Variants in TBXAS1 observed in about 807,000 individuals in gnomAD.
The protein encoded by TBXAS1 is thromboxane A synthase 1.
Under a neutral mutation model 60.7 loss-of-function variants are expected in TBXAS1, and 48 were observed. That is an observed-to-expected ratio of 0.79 (90% CI 0.63 to 1.01). The LOEUF (loss-of-function observed/expected upper bound fraction) is 1.01, where lower values mean the gene tolerates loss of function less well. TBXAS1 is among the 50% of genes least tolerant of loss of function. The pLI is 0.00. For missense variants in TBXAS1, 685 were observed against 686.3 expected (o/e 1.00, Z 0.02); for synonymous variants, 287 against 269.7 (o/e 1.06, Z -0.63).
intron 3 of TBXAS1, among the ~76,000 whole-genome samples, chr7:139,890,208 T>TTC (rs1491385998): frequency 1.7e-4 from 1 of 6,060 alleles, no homozygotes; most frequent in Non-Finnish European, 3.7e-4. Context: ...GGATGCAGTC[T>TTC]TTTTTTTTTT....
intron 3 of TBXAS1, among the ~76,000 whole-genome samples, chr7:139,901,619 A>G (rs907172294): frequency 4.6e-5 from 7 of 152,044 alleles, no homozygotes; most frequent in South Asian, 2.1e-4. Flanking sequence ...TGTCAATCAC[A>G]TCAGGATCCC....
intron 9 of TBXAS1, among the ~76,000 whole-genome samples, chr7:139,967,797 C>T (rs752840399): frequency 6.6e-6 from 1 of 152,180 alleles, no homozygotes; most frequent in Non-Finnish European, 1.5e-5. Context: ...TGTTTGCCCA[C>T]CCCTGTACAT....
chr7:140,001,251 A>G (rs1813654138), intron 9 of TBXAS1, among the ~76,000 whole-genome samples: 1 of 152,140 alleles, frequency 6.6e-6, no homozygotes, highest in African/African-American at 2.4e-5. Context: ...TTTTCATGTT[A>G]TCTTTTGGAA....
At chr7:139,982,892 C>T (rs1812066904) in intron 9 of TBXAS1, among the ~76,000 whole-genome samples, 2 of 152,092 alleles carry the variant, frequency 1.3e-5, no homozygotes, top group South Asian at 4.2e-4. Flanking sequence ...TGGCCAAACT[C>T]GAAATAAAAC....
chr7:139,790,043 A>G (rs1290678203), intron 4 of TBXAS1, among the ~76,000 whole-genome samples: 1 of 152,244 alleles, frequency 6.6e-6, no homozygotes, highest in African/African-American at 2.4e-5. Context: ...ATCATTATTT[A>G]GGCCCATGGA....
chr7:139,924,632 C>G (rs1806744530), intron 4 of TBXAS1, among the ~76,000 whole-genome samples: 1 of 152,034 alleles, frequency 6.6e-6, no homozygotes, highest in African/African-American at 2.4e-5. Flanking sequence ...TGATTGTTTC[C>G]TTTGCTGTGC....
chr7:139,830,687 GCA>G (rs1017651532), intron 1 of TBXAS1, among the ~76,000 whole-genome samples: 2 of 152,026 alleles, frequency 1.3e-5, no homozygotes, highest in African/African-American at 4.8e-5. Context: ...GAAGCCCGAA[GCA>G]CAGTGTCTGA....
chr7:139,799,355 C>G (rs1296662207), intron 4 of TBXAS1, among the ~76,000 whole-genome samples: 1 of 152,028 alleles, frequency 6.6e-6, no homozygotes, highest in African/African-American at 2.4e-5. Context: ...TCAGCCTCCC[C>G]CAAGTAGCTG....
At chr7:140,001,518 A>G (rs1334879640) in intron 9 of TBXAS1, among the ~76,000 whole-genome samples, 2 of 152,052 alleles carry the variant, frequency 1.3e-5, no homozygotes, top group African/African-American at 2.4e-5. Flanking sequence ...CAGCCTCCCA[A>G]GTAGCTGGGA....
At chr7:139,956,808 T>C (rs1207246468) in intron 7 of TBXAS1, among the ~76,000 whole-genome samples, 1 of 152,258 alleles carries the variant, frequency 6.6e-6, no homozygotes, top group Non-Finnish European at 1.5e-5. Flanking sequence ...GGCTCAGTTG[T>C]GCCATCCCTT....
intron 3 of TBXAS1, among the ~76,000 whole-genome samples, chr7:139,784,011 GT>G (rs11340240): frequency 0.032 from 4,282 of 132,018 alleles, 161 homozygotes; most frequent in African/African-American, 0.1. Flanking sequence ...AGTTTTTTTT[GT>G]TTTTTTTTTT....
intron 3 of TBXAS1, among the ~76,000 whole-genome samples, chr7:139,893,804 C>T (rs1803853533): frequency 6.6e-6 from 1 of 152,158 alleles, no homozygotes; most frequent in African/African-American, 2.4e-5. Context: ...TCTGCCTGTC[C>T]CCCTCTGGGG....
chr7:139,994,834 G>A (rs772795378), intron 9 of TBXAS1, among the ~76,000 whole-genome samples: 9 of 152,226 alleles, frequency 5.9e-5, no homozygotes, highest in South Asian at 2.1e-4. Context: ...ATTCCCAGGC[G>A]TGAGGGAGGC....
At chr7:139,831,473 T>C (rs1219481180) in intron 1 of TBXAS1, among the ~76,000 whole-genome samples, 1 of 152,144 alleles carries the variant, frequency 6.6e-6, no homozygotes, top group Non-Finnish European at 1.5e-5. Flanking sequence ...TTTCCTCCAG[T>C]GAGAGGATTC....
chr7:140,005,760 G>A (rs1364464668), intron 9 of TBXAS1, among the ~76,000 whole-genome samples: 2 of 152,196 alleles, frequency 1.3e-5, no homozygotes, highest in African/African-American at 2.4e-5. Flanking sequence ...GTGGCTTATA[G>A]GCATCATTAA....
intron 9 of TBXAS1, among the ~76,000 whole-genome samples, chr7:139,992,673 C>T (rs1484025303): frequency 1.3e-5 from 2 of 152,210 alleles, no homozygotes; most frequent in African/African-American, 2.4e-5. Flanking sequence ...CTCCCCAAGC[C>T]CTGGGGGCCT....
chr7:140,018,370 C>G (rs1334433374), intron 12 of TBXAS1, among the ~76,000 whole-genome samples: 1 of 152,092 alleles, frequency 6.6e-6, no homozygotes, highest in African/African-American at 2.4e-5. Flanking sequence ...TTTGCCTTCC[C>G]CCCTTGTGCA....
chr7:139,786,740 G>A (rs2117235147), intron 3 of TBXAS1, among the ~76,000 whole-genome samples: 1 of 152,280 alleles, frequency 6.6e-6, no homozygotes, highest in Middle Eastern at 3.4e-3. Context: ...AATCAGTCAT[G>A]TTTCCAGTGG....
intron 3 of TBXAS1, among the ~76,000 whole-genome samples, chr7:139,908,557 C>T (rs1313793359): frequency 6.6e-6 from 1 of 152,028 alleles, no homozygotes; most frequent in Non-Finnish European, 1.5e-5. Flanking sequence ...GTATGAATGC[C>T]TTACCATTTT....
Sources: allele counts gnomAD v4.1 joint callset (sites outside exome capture counted in the v4.1 genomes callset), GRCh38; gene constraint gnomAD v4.1.1; transcripts MANE v1.5; gene names NCBI Gene and HGNC (gene_info 2026-07-23, HGNC 2026-07-21).